FHL2: variants seen among roughly 807,000 people sequenced by gnomAD.
FHL2 encodes the protein four and a half LIM domains protein 2.
In FHL2, 20 loss-of-function variants were observed where a neutral mutation model predicts 32.7. That is an observed-to-expected ratio of 0.61 (90% confidence interval 0.43 to 0.89). FHL2 has a LOEUF of 0.89. FHL2 is among the 40% of genes least tolerant of loss of function. The pLI, the probability that FHL2 is intolerant of heterozygous loss-of-function variation, is 0.00. For missense variants in FHL2, 311 were observed against 358.6 expected (o/e 0.87, Z 1.07); for synonymous variants, 123 against 128.1 (o/e 0.96, Z 0.27).
chr2:105,377,591 G>T (rs969225172), intron 3 of FHL2: 2 of 158,206 alleles, frequency 1.3e-5, no homozygotes, highest in Admixed American at 6.2e-5. Context: ...AGCCAAGATC[G>T]CACCATTGCA....
chr2:105,418,841 A>T (rs962916725), intron 1 of FHL2, among the ~76,000 whole-genome samples: 1 of 152,202 alleles, frequency 6.6e-6, no homozygotes, highest in African/African-American at 2.4e-5. Context: ...GCATATTGTT[A>T]TAATTGTTCT....
chr2:105,394,402 TA>T (rs879678000), intron 2 of FHL2, among the ~76,000 whole-genome samples: 370 of 145,148 alleles, frequency 2.5e-3, no homozygotes, highest in Middle Eastern at 7.3e-3. Flanking sequence ...ACCCGGTCTC[TA>T]AAAAAAAAAA....
intron 1 of FHL2, among the ~76,000 whole-genome samples, chr2:105,406,580 G>A (rs568961894): frequency 2.0e-5 from 3 of 152,008 alleles, no homozygotes; most frequent in Admixed American, 1.3e-4. Context: ...TCTGTCTCAC[G>A]CTCTTTGCAT....
chr2:105,386,756 C>T (rs1386006448), intron 2 of FHL2, among the ~76,000 whole-genome samples: 7 of 48,960 alleles, frequency 1.4e-4, no homozygotes, highest in African/African-American at 1.9e-4. Flanking sequence ...ATGCATTCCA[C>T]TTTTTTTTTT....
intron 1 of FHL2, among the ~76,000 whole-genome samples, chr2:105,419,312 G>A (rs1172575002): frequency 2.6e-5 from 4 of 152,200 alleles, no homozygotes; most frequent in Non-Finnish European, 4.4e-5. Context: ...CGTCACCCAA[G>A]CAGTAGACAC....
chr2:105,417,483 C>T (rs7594536), intron 1 of FHL2, among the ~76,000 whole-genome samples: 6,106 of 151,786 alleles, frequency 0.04, 399 homozygotes, highest in African/African-American at 0.14. Flanking sequence ...TCAGAGTTCG[C>T]GATCAGCCTG....
intron 1 of FHL2, among the ~76,000 whole-genome samples, chr2:105,422,499 C>T (rs1328682217): frequency 1.3e-5 from 2 of 151,946 alleles, no homozygotes; most frequent in African/African-American, 2.4e-5. Flanking sequence ...GTTTAATTTA[C>T]TTTTTCATTA....
At chr2:105,408,016 A>C (rs1412957940) in intron 1 of FHL2, among the ~76,000 whole-genome samples, 4 of 152,210 alleles carry the variant, frequency 2.6e-5, no homozygotes, top group Non-Finnish European at 5.9e-5. Flanking sequence ...ATACAAAGTT[A>C]AACAAAAATT....
chr2:105,436,211 G>T (rs540515554), intron 1 of FHL2, among the ~76,000 whole-genome samples: 1 of 152,124 alleles, frequency 6.6e-6, no homozygotes, highest in Non-Finnish European at 1.5e-5. Context: ...AAAAAAATCA[G>T]TAAACCAGAT....
intron 1 of FHL2, among the ~76,000 whole-genome samples, chr2:105,435,532 T>G (rs2104689163): frequency 6.6e-6 from 1 of 152,332 alleles, no homozygotes; most frequent in Admixed American, 6.5e-5. Context: ...CCGCTTCAGA[T>G]ACCATCTAGA....
chr2:105,392,175 C>T (rs1682778848), intron 2 of FHL2, among the ~76,000 whole-genome samples: 1 of 152,158 alleles, frequency 6.6e-6, no homozygotes, highest in Admixed American at 6.5e-5. Flanking sequence ...CCAGCTTTGA[C>T]TCAGATGTAA....
At chr2:105,421,876 G>A (rs770955543) in intron 1 of FHL2, among the ~76,000 whole-genome samples, 17 of 152,208 alleles carry the variant, frequency 1.1e-4, no homozygotes, top group Admixed American at 2.6e-4. Flanking sequence ...TAGTTTTCCA[G>A]ATCTGTTTCT....
chr2:105,425,868 A>G (rs1684249578), intron 1 of FHL2, among the ~76,000 whole-genome samples: 1 of 152,158 alleles, frequency 6.6e-6, no homozygotes, highest in African/African-American at 2.4e-5. Flanking sequence ...TAATGAAAAT[A>G]ATAATCAATA....
At chr2:105,376,701 A>G (rs1681498185) in intron 3 of FHL2, 1 of 152,250 alleles carries the variant, frequency 6.6e-6, no homozygotes, top group African/African-American at 2.4e-5. Context: ...TCTCGAAGAT[A>G]TATTTGTACA....
chr2:105,438,464 G>A (rs780234382), exon 1 of FHL2: 24 of 985,482 alleles, frequency 2.4e-5, no homozygotes, highest in East Asian at 1.1e-4. Context: ...CTGTGCAGGC[G>A]GACTGCCTGG....
At chr2:105,369,048 T>C (rs1228604562) in intron 4 of FHL2, among the ~76,000 whole-genome samples, 2 of 152,226 alleles carry the variant, frequency 1.3e-5, no homozygotes, top group African/African-American at 4.8e-5. Context: ...TGTGTAGTTG[T>C]AATAGTTGAG....
chr2:105,395,853 A>G (rs1683087376), intron 2 of FHL2, among the ~76,000 whole-genome samples: 1 of 152,222 alleles, frequency 6.6e-6, no homozygotes, highest in South Asian at 2.1e-4. Context: ...GAATCAGGCT[A>G]GTAAAGGCGT....
intron 5 of FHL2, among the ~76,000 whole-genome samples, 153 bp from the exon 6 acceptor site, chr2:105,363,624 C>T (rs1268809329): frequency 1.3e-5 from 2 of 152,194 alleles, no homozygotes; most frequent in Non-Finnish European, 2.9e-5. Context: ...CACAGTCACT[C>T]GTCACCCTCA....
At position 105,386,389 on chromosome 2, in the gene FHL2, C is replaced by A. The variant is rs745717988; in HGVS notation, c.128G>T (p.Cys43Phe). Residue 43 changes from cysteine to phenylalanine, a missense_variant, in exon 3 of 7, where the codon TGT (cysteine) becomes TTT (phenylalanine). Transcript: ENST00000530340. ...ETLFANTCEE[C>F]GKPIGCDCKD... ...GCAGTCACAGCCGATGGGCTTCCCA[C>A]ACTCCTCGCAGGTGTTGGCGAACAG... 6.2e-7 allele frequency: 1 copy of A among 1,614,166 alleles called. No homozygotes were observed. The highest frequency in any genetic ancestry group is 1.1e-5 in the South Asian group (1 of 91,070).
Sources: allele counts gnomAD v4.1 joint callset (sites outside exome capture counted in the v4.1 genomes callset), GRCh38; gene constraint gnomAD v4.1.1; transcripts MANE v1.5; gene names NCBI Gene and HGNC (gene_info 2026-07-23, HGNC 2026-07-21).